PICALM: variants seen among roughly 807,000 people sequenced by gnomAD.
The protein encoded by PICALM is phosphatidylinositol binding clathrin assembly protein.
PICALM carries 40 observed loss-of-function variants against 80.5 expected under a neutral mutation model. The observed-to-expected ratio is 0.50, with a 90% CI of 0.39 to 0.65. PICALM has a LOEUF of 0.65. Among genes scored for constraint, PICALM ranks in the 30% least tolerant of loss-of-function variants. The probability of loss-of-function intolerance (pLI) is 0.00; values close to 1 mark genes in which losing one functional copy is unlikely to be tolerated. For missense variants in PICALM, 676 were observed against 778.9 expected, an observed-to-expected ratio of 0.87 and a Z score of 1.57; for synonymous variants, 288 against 260.3, an observed-to-expected ratio of 1.11 and a Z score of -1.02.
chr11:85,993,785 C>CA (rs1455859010), intron 12 of PICALM, among the ~76,000 whole-genome samples: 1 of 151,810 alleles, frequency 6.6e-6, no homozygotes, highest in Admixed American at 6.6e-5. Context: ...TAAAAAAATC[C>CA]AAAAAAAGTT....
intron 1 of PICALM, among the ~76,000 whole-genome samples, chr11:86,064,502 AAATT>A (rs2096414831): frequency 6.6e-6 from 1 of 152,008 alleles, no homozygotes; most frequent in Non-Finnish European, 1.5e-5. Context: ...GTCTGTATAA[AAATT>A]AAAAATTAGC....
At chr11:85,982,246 G>T (rs1346510994) in intron 14 of PICALM, 2 of 429,980 alleles carry the variant, frequency 4.7e-6, no homozygotes, top group Non-Finnish European at 8.6e-6. Context: ...TTACATTAGG[G>T]TTAAAGGGGA....
intron 1 of PICALM, among the ~76,000 whole-genome samples, chr11:86,049,280 CA>C (rs1036623078): frequency 2.6e-5 from 4 of 151,414 alleles, no homozygotes; most frequent in African/African-American, 9.7e-5. Flanking sequence ...AAGACTGTCT[CA>C]AAAAAACAAA....
chr11:85,999,200 T>C (rs1291333364), intron 11 of PICALM, among the ~76,000 whole-genome samples: 3 of 152,212 alleles, frequency 2.0e-5, no homozygotes, highest in East Asian at 3.8e-4. Flanking sequence ...AACTGTATTT[T>C]TATAAAAAAG....
chr11:85,986,906 T>C (rs1369049532), intron 13 of PICALM, among the ~76,000 whole-genome samples: 1 of 152,216 alleles, frequency 6.6e-6, no homozygotes, highest in East Asian at 1.9e-4. Flanking sequence ...CAGTGAAAAC[T>C]TTCTCACTAA....
chr11:86,061,801 A>AGATGTTT (rs1339331326), intron 1 of PICALM, among the ~76,000 whole-genome samples: 1 of 152,208 alleles, frequency 6.6e-6, no homozygotes, highest in Non-Finnish European at 1.5e-5. Flanking sequence ...ACACGCACAC[A>AGATGTTT]GATGTTTGAT....
chr11:86,069,300 A>G (rs1048091335), upstream of PICALM: 51 of 167,060 alleles, frequency 3.1e-4, no homozygotes, highest in Admixed American at 3.2e-4. Flanking sequence ...GGGAGTGCAC[A>G]GCCGGCGCAT....
At chr11:85,967,359 A>G (rs1485871282) in intron 19 of PICALM, among the ~76,000 whole-genome samples, 1 of 146,538 alleles carries the variant, frequency 6.8e-6, no homozygotes, top group Non-Finnish European at 1.5e-5. Flanking sequence ...TTATTTATTA[A>G]GACAAGAAAT....
At chr11:85,992,445 C>T (rs1425317296) in intron 12 of PICALM, among the ~76,000 whole-genome samples, 1 of 151,866 alleles carries the variant, frequency 6.6e-6, no homozygotes, top group Non-Finnish European at 1.5e-5. Flanking sequence ...CCACCACGCT[C>T]AGCTCATTTT....
chr11:86,038,007 G>C (rs910878617), intron 1 of PICALM, among the ~76,000 whole-genome samples: 1 of 152,192 alleles, frequency 6.6e-6, no homozygotes, highest in African/African-American at 2.4e-5. Context: ...AAGGATGTGA[G>C]GAAGAGGTGG....
At chr11:85,982,241 T>C (rs572904529) in intron 14 of PICALM, 2 of 450,924 alleles carry the variant, frequency 4.4e-6, no homozygotes, top group South Asian at 2.4e-5. Flanking sequence ...CAAAATTACA[T>C]TAGGGTTAAA....
chr11:85,994,315 TTAA>T (rs2094888709), intron 12 of PICALM, among the ~76,000 whole-genome samples: 2 of 152,164 alleles, frequency 1.3e-5, no homozygotes, highest in Non-Finnish European at 1.5e-5. Flanking sequence ...TCAAGGCTCA[TTAA>T]TAATACAATG....
chr11:86,053,859 C>T (rs1195307847), intron 1 of PICALM, among the ~76,000 whole-genome samples: 2 of 152,182 alleles, frequency 1.3e-5, no homozygotes, highest in Non-Finnish European at 2.9e-5. Flanking sequence ...TGAGCCAAAG[C>T]ACCCATCCAA....
intron 4 of PICALM, among the ~76,000 whole-genome samples, chr11:86,016,842 T>A (rs2136380347): frequency 6.6e-6 from 1 of 152,246 alleles, no homozygotes; most frequent in South Asian, 2.1e-4. Flanking sequence ...AGCTCTTAAC[T>A]CCCAAAATAT....
intron 17 of PICALM, among the ~76,000 whole-genome samples, chr11:85,980,050 T>G (rs1260601647): frequency 6.6e-6 from 1 of 152,206 alleles, no homozygotes; most frequent in East Asian, 1.9e-4. Context: ...TATTCATGGA[T>G]TCCATATTTG....
chr11:86,017,609 A>C (rs1442635130), intron 4 of PICALM, among the ~76,000 whole-genome samples: 2 of 152,234 alleles, frequency 1.3e-5, no homozygotes, highest in Non-Finnish European at 2.9e-5. Flanking sequence ...TACAGATGAA[A>C]TAACTCAGAG....
At chr11:86,060,332 T>C (rs1057007366) in intron 1 of PICALM, among the ~76,000 whole-genome samples, 2 of 152,226 alleles carry the variant, frequency 1.3e-5, no homozygotes, top group African/African-American at 2.4e-5. Flanking sequence ...TCAACATTAA[T>C]TCATTTGAAA....
intron 11 of PICALM, among the ~76,000 whole-genome samples, chr11:85,998,844 G>C (rs371847441): frequency 1.3e-5 from 2 of 152,130 alleles, no homozygotes; most frequent in South Asian, 4.1e-4. Context: ...AGGCTAGCTT[G>C]TACGGCTGGG....
intron 8 of PICALM, among the ~76,000 whole-genome samples, chr11:86,006,475 C>A (rs1210682259): frequency 6.6e-6 from 1 of 152,040 alleles, no homozygotes; most frequent in Non-Finnish European, 1.5e-5. Context: ...TGGAAAACCC[C>A]GTCTCTACTA....
Sources: gnomAD v4.1 joint callset for allele counts (sites outside exome capture counted in the v4.1 genomes callset) on GRCh38, gnomAD v4.1.1 for gene constraint, MANE v1.5 for transcripts, NCBI Gene and HGNC (gene_info 2026-07-23, HGNC 2026-07-21) for gene names.